MYCBP2: variants seen among roughly 807,000 people sequenced by gnomAD.
The protein encoded by MYCBP2 is E3 ubiquitin-protein ligase MYCBP2.
Under a neutral mutation model 525.3 loss-of-function variants are expected in MYCBP2, and 120 were observed. The observed-to-expected ratio is 0.23, with a 90% CI of 0.20 to 0.27. The LOEUF (loss-of-function observed/expected upper bound fraction) is 0.27. Ranked by LOEUF, MYCBP2 falls within the 10% of genes least tolerant of loss-of-function variation. MYCBP2 has a pLI of 1.00. For missense variants in MYCBP2, 4,149 were observed against 5,657.1 expected (o/e 0.73, Z 8.55); for synonymous variants, 1,894 against 1,955.8 (o/e 0.97, Z 0.83).
rs1332886526 is a variant in MYCBP2 at position 77,248,136 on chromosome 13, T to C, written c.2381+3015A>G. Among the ~76,000 whole-genome samples the C allele has an allele frequency of 2.0e-4, 7 of 35,060 alleles. No homozygotes were observed. In the Admixed American group the frequency reaches 2.6e-3, roughly 13 times the overall value. The allele number at this position is 35,060 out of a possible 152,430, so 23.0% of individuals were successfully genotyped here. Reference sequence around the variant, plus strand: ...CGCACATGTACCCTAAAACTTAAAGTATAATCAAAAAAAAAAAAAGAAGAA... The same window carrying C: ...CGCACATGTACCCTAAAACTTAAAGCATAATCAAAAAAAAAAAAAGAAGAA... On this transcript the variant is annotated intron_variant, in intron 15 of 82. Transcript: ENST00000544440.
chr13:77,076,985 C>G, intron 67 of MYCBP2, 136 bp from the exon 68 acceptor site: 1 of 1,143,914 alleles, frequency 8.7e-7, no homozygotes, highest in Non-Finnish European at 1.2e-6. Flanking sequence ...TTCTTAATTA[C>G]AAATGCAACA....
At chr13:77,156,756 T>C (rs1453800874) in intron 45 of MYCBP2, among the ~76,000 whole-genome samples, 2 of 150,136 alleles carry the variant, frequency 1.3e-5, no homozygotes, top group Non-Finnish European at 3.0e-5. Flanking sequence ...TAATTTGTGA[T>C]GTTCATTCCT....
At chr13:77,319,993 G>C (rs182477546) in intron 1 of MYCBP2, among the ~76,000 whole-genome samples, 4 of 152,188 alleles carry the variant, frequency 2.6e-5, no homozygotes, top group African/African-American at 9.6e-5. Flanking sequence ...AGTGAAAGAC[G>C]TAAGACTGAA....
chr13:77,069,692 T>TAA (rs752290620), intron 69 of MYCBP2, among the ~76,000 whole-genome samples: 56 of 70,376 alleles, frequency 8.0e-4, no homozygotes, highest in South Asian at 2.3e-3. Flanking sequence ...CCGTCTGTAC[T>TAA]AAAAAAAAAA....
intron 69 of MYCBP2, 79 bp downstream of exon 69, chr13:77,070,548 TAACA>T (rs992523731): frequency 2.8e-5 from 28 of 1,016,104 alleles, no homozygotes; most frequent in South Asian, 8.2e-5. Context: ...TATACCCTAA[TAACA>T]AACAAACAGA....
At position 77,097,542 on chromosome 13, in the gene MYCBP2, C is replaced by T. The variant is rs761458259; in HGVS notation, c.9612G>A (p.Lys3204=). Residue 3204 remains lysine (K), a synonymous_variant, in exon 56 of 83, where the codon AAG becomes AAA. Transcript: ENST00000544440. ...CTTTTTTCTTTTTTTCCTTTTTGGACTTCTTATTCTCTTTCTCACACTCTT... is the reference window on the plus strand; with the variant it reads ...CTTTTTTCTTTTTTTCCTTTTTGGATTTCTTATTCTCTTTCTCACACTCTT... The part of the protein sequence containing the change: ...KKKECEKENK[K]SKKEKKKKEK... 4.3e-6 allele frequency: 7 copies of T among 1,612,250 alleles called. No homozygotes were observed. Among genetic ancestry groups the T allele is most frequent in the African/African-American group, 2.7e-5 (2 of 74,664 alleles).
chr13:77,222,172 A>G (rs2065680420), intron 20 of MYCBP2, among the ~76,000 whole-genome samples: 1 of 152,172 alleles, frequency 6.6e-6, no homozygotes, highest in East Asian at 1.9e-4. Flanking sequence ...GCATTTCAGT[A>G]ATGTTACTCA....
chr13:77,268,386 G>T (rs1483228454), intron 7 of MYCBP2, among the ~76,000 whole-genome samples: 1 of 152,146 alleles, frequency 6.6e-6, no homozygotes, highest in African/African-American at 2.4e-5. Context: ...TTATTTCTTA[G>T]ATAAAACACA....
intron 8 of MYCBP2, 33 bp downstream of exon 8, chr13:77,267,808 C>T: frequency 6.7e-7 from 1 of 1,498,118 alleles, no homozygotes; most frequent in African/African-American, 1.4e-5. Context: ...CTTAAAATTG[C>T]TTGTGGAGAA....
chr13:77,211,129 C>T, intron 23 of MYCBP2, 38 bp downstream of exon 23: 1 of 1,382,928 alleles, frequency 7.2e-7, no homozygotes, highest in Non-Finnish European at 9.4e-7. Flanking sequence ...ATAACTGCAT[C>T]AAAACTTATT....
intron 14 of MYCBP2, 101 bp from the exon 15 acceptor site, chr13:77,251,456 C>T: frequency 2.1e-6 from 2 of 952,668 alleles, no homozygotes; most frequent in South Asian, 3.1e-5. Context: ...CATGCTAATC[C>T]AAGCAATTAT....
Position 77,180,157 on chromosome 13 carries a change from A to G in MYCBP2, c.5103T>C (p.Ser1701=), listed in dbSNP as rs749264884. The G allele has an allele frequency of 6.2e-6, 10 of 1,613,970 alleles. No homozygotes were observed. In the African/African-American group the frequency reaches 6.7e-5, roughly 11 times the overall value. ...NTCGLLASIV[S]ELTASALGSE... ...ATCCCAGGGCTGACGCTGTCAGTTC[A>G]CTGACAATGCTGGCCAGTAATCCAC... Residue 1701 remains serine, a synonymous_variant, in exon 34 of 83, where the codon AGT becomes AGC. Coordinates refer to ENST00000544440, the MANE Select transcript of MYCBP2 (RefSeq NM_015057.5).
At chr13:77,208,670 G>A (rs1241714616) in intron 23 of MYCBP2, among the ~76,000 whole-genome samples, 1 of 152,138 alleles carries the variant, frequency 6.6e-6, no homozygotes, top group Non-Finnish European at 1.5e-5. Flanking sequence ...AAAGGTGTCA[G>A]ATGATATAAA....
At chr13:77,272,574 G>A (rs1033343097) in intron 5 of MYCBP2, among the ~76,000 whole-genome samples, 3 of 152,132 alleles carry the variant, frequency 2.0e-5, no homozygotes, top group African/African-American at 7.2e-5. Flanking sequence ...CTGAAAGCAT[G>A]TCTACAGAAC....
rs533549337 is a variant in MYCBP2, at chr13:77,257,884, G to GT, written c.2018-56dup. ...CAACAAAAAGGCCCTTCTGAGCCTA[G>GT]TAAAAGAACTACCTCAATGCAGAAC... is the stretch of plus-strand genomic sequence containing the variant. On this transcript the variant is annotated intron_variant, in intron 13 of 82. Transcript: ENST00000544440. 49 of 1,433,480 alleles carry GT rather than the reference G, an allele frequency of 3.4e-5. No homozygotes were observed. In the African/African-American group the frequency reaches 6.4e-4, roughly 19 times the overall value. 88.8% of individuals were successfully genotyped at this position (1,433,480 alleles called of 1,614,324 possible).
chr13:77,055,975 C>T (rs1217751106), intron 79 of MYCBP2, among the ~76,000 whole-genome samples: 1 of 152,182 alleles, frequency 6.6e-6, no homozygotes, highest in Non-Finnish European at 1.5e-5. Context: ...AAATGGGACA[C>T]AGAGCATGAA....
chr13:77,278,125 C>A (rs942379156), intron 4 of MYCBP2, among the ~76,000 whole-genome samples: 8 of 151,850 alleles, frequency 5.3e-5, no homozygotes, highest in African/African-American at 1.9e-4. Flanking sequence ...ATGATGAATA[C>A]AAAAAAAAGT....
chr13:77,279,988 A>T (rs1427201491), intron 3 of MYCBP2, among the ~76,000 whole-genome samples: 1 of 152,262 alleles, frequency 6.6e-6, no homozygotes, highest in African/African-American at 2.4e-5. Flanking sequence ...AACATGTCTT[A>T]AACGGCTTAA....
intron 38 of MYCBP2, 28 bp from the exon 39 acceptor site, chr13:77,169,742 A>C (rs776423305): frequency 6.4e-7 from 1 of 1,559,978 alleles, no homozygotes; most frequent in South Asian, 1.1e-5. Context: ...AGGCATTAAA[A>C]CTATAGTCAG....
Sources: gnomAD v4.1 joint callset for allele counts (sites outside exome capture counted in the v4.1 genomes callset) on GRCh38, gnomAD v4.1.1 for gene constraint, MANE v1.5 for transcripts, NCBI Gene and HGNC (gene_info 2026-07-23, HGNC 2026-07-21) for gene names.